The following DEPTOR variants were observed in gnomAD, a reference collection of about 807,000 sequenced individuals.
DEPTOR encodes DEP domain-containing mTOR-interacting protein.
DEPTOR carries 41 observed loss-of-function variants against 41.6 expected under a neutral mutation model. The ratio of observed to expected loss-of-function variants is 0.98; its 90% CI spans 0.77 to 1.28. DEPTOR has a LOEUF of 1.28. Ranked by LOEUF, DEPTOR falls within the 50% of genes most tolerant of loss-of-function variation. DEPTOR has a pLI of 0.00. For missense variants in DEPTOR, 514 were observed against 527.9 expected, an observed-to-expected ratio of 0.97 and a Z score of 0.26; for synonymous variants, 195 against 192.3, an observed-to-expected ratio of 1.01 and a Z score of -0.12.
chr8:119,887,683 A>G (rs954511307), intron 1 of DEPTOR, among the ~76,000 whole-genome samples: 1 of 151,312 alleles, frequency 6.6e-6, no homozygotes, highest in Non-Finnish European at 1.5e-5. Context: ...CATTTTTAGT[A>G]GAGATGGGGT....
intron 1 of DEPTOR, among the ~76,000 whole-genome samples, chr8:119,889,662 A>AGGGGAGGATGGGGAGGGGG (rs1827425439): frequency 1.5e-4 from 2 of 13,522 alleles, no homozygotes; most frequent in Non-Finnish European, 2.8e-4. Flanking sequence ...TGGGGAGGGG[A>AGGGGAGGATGGGGAGGGGG]GGGGAGGGGA....
chr8:119,950,598 T>C (rs554192580), intron 3 of DEPTOR, among the ~76,000 whole-genome samples: 1 of 151,938 alleles, frequency 6.6e-6, no homozygotes, highest in South Asian at 2.1e-4. Context: ...TCTTTTCTTC[T>C]TTTTCTTTTC....
intron 8 of DEPTOR, among the ~76,000 whole-genome samples, chr8:120,042,232 T>C (rs550716222): frequency 3.3e-5 from 5 of 152,308 alleles, no homozygotes; most frequent in African/African-American, 1.2e-4. Flanking sequence ...TCACGCGTTC[T>C]GTGTGTTTGT....
At chr8:120,004,580 C>T (rs917422994) in intron 6 of DEPTOR, among the ~76,000 whole-genome samples, 4 of 152,130 alleles carry the variant, frequency 2.6e-5, no homozygotes, top group African/African-American at 9.7e-5. Flanking sequence ...GTGTTAATTA[C>T]TGAAATTAGC....
rs150144117 is a variant in DEPTOR, at chr8:119,948,633, C to T, written c.426-16599C>T. On this transcript the variant is annotated intron_variant, in intron 3 of 8. Coordinates refer to ENST00000286234, the MANE Select transcript of DEPTOR (RefSeq NM_022783.4). ...TAATCACAGATGTATGCAACCATTACGACAGTCAATTTCAGAGCATTTTCA... is the reference window on the plus strand; with the variant it reads ...TAATCACAGATGTATGCAACCATTATGACAGTCAATTTCAGAGCATTTTCA... Among the ~76,000 whole-genome samples, 978 of 152,038 alleles carry T rather than the reference C, an allele frequency of 6.4e-3. 11 individuals carry two copies. Among genetic ancestry groups the T allele is most frequent in the African/African-American group, 0.023 (940 of 41,488 alleles).
intron 4 of DEPTOR, among the ~76,000 whole-genome samples, chr8:119,976,045 A>G (rs1411730445): frequency 6.6e-6 from 1 of 151,728 alleles, no homozygotes; most frequent in African/African-American, 2.4e-5. Context: ...TATTTTTAAT[A>G]GAGACGGGGT....
intron 8 of DEPTOR, among the ~76,000 whole-genome samples, chr8:120,043,549 T>A (rs1228510971): frequency 6.6e-6 from 1 of 152,198 alleles, no homozygotes; most frequent in Non-Finnish European, 1.5e-5. Flanking sequence ...ACGTTTGTCA[T>A]CCACTATTCT....
At chr8:119,958,919 A>C (rs1204502267) in intron 3 of DEPTOR, among the ~76,000 whole-genome samples, 6 of 152,196 alleles carry the variant, frequency 3.9e-5, no homozygotes, top group Admixed American at 3.9e-4. Flanking sequence ...ATGAAGTCAC[A>C]CTGGAAGACA....
chr8:120,049,537 C>A (rs200220093), intron 8 of DEPTOR, 39 bp from the exon 9 acceptor site: 6 of 1,603,258 alleles, frequency 3.7e-6, no homozygotes, highest in East Asian at 2.2e-5. Flanking sequence ...CAAAACCAGG[C>A]GCTATAATAG....
chr8:120,025,106 A>G (rs1224184461), intron 8 of DEPTOR, among the ~76,000 whole-genome samples: 3 of 152,212 alleles, frequency 2.0e-5, no homozygotes. Flanking sequence ...GACAGATATT[A>G]ATGACATGCA....
At chr8:120,036,522 C>T (rs1361047327) in intron 8 of DEPTOR, among the ~76,000 whole-genome samples, 3 of 152,184 alleles carry the variant, frequency 2.0e-5, no homozygotes, top group Admixed American at 1.3e-4. Context: ...TGGGGCTGAA[C>T]ATACAGCTGC....
At position 119,884,905 on chromosome 8, in the gene DEPTOR, A is replaced by G. The variant is rs567476381; in HGVS notation, c.122+10937A>G. Among the ~76,000 whole-genome samples the G allele has an allele frequency of 2.0e-5, 3 of 152,088 alleles. No individual in the cohort carries two copies. The South Asian group carries it at 6.3e-4, about 32-fold the overall frequency. ...ATTCTTGTGCCTCAGCTTCCTGAGT[A>G]GCTGGGACTACAGGCATGAACCACC... On this transcript the variant is annotated intron_variant, in intron 1 of 8. Coordinates refer to ENST00000286234, the MANE Select transcript of DEPTOR (RefSeq NM_022783.4).
chr8:120,028,606 G>A (rs1170374191), intron 8 of DEPTOR, among the ~76,000 whole-genome samples: 6 of 151,346 alleles, frequency 4.0e-5, no homozygotes, highest in East Asian at 2.0e-4. Flanking sequence ...GATTACAGGC[G>A]CCTGCCACCA....
chr8:119,937,817 G>C (rs1360472306), intron 3 of DEPTOR, among the ~76,000 whole-genome samples: 1 of 152,116 alleles, frequency 6.6e-6, no homozygotes, highest in Non-Finnish European at 1.5e-5. Context: ...CACAGTGAGG[G>C]GCAAGTGATA....
rs555361432 is a variant in DEPTOR at position 119,988,365 on chromosome 8, G to C, written c.605-13160G>C. Among the ~76,000 whole-genome samples, 2 of 152,290 alleles carry C rather than the reference G, an allele frequency of 1.3e-5. 1 individual carries two copies. Among genetic ancestry groups the C allele is most frequent in the South Asian group, 4.1e-4 (2 of 4,828 alleles). On this transcript the variant is annotated intron_variant, in intron 4 of 8. Transcript: ENST00000286234. Reference sequence around the variant, plus strand: ...CCCACTATCTAACCAGTCCCAATGAGATGAACCGGGTACCTCAGTTGGAAA... The same window carrying C: ...CCCACTATCTAACCAGTCCCAATGACATGAACCGGGTACCTCAGTTGGAAA...
chr8:119,978,172 A>G (rs141163359), intron 4 of DEPTOR, among the ~76,000 whole-genome samples: 2 of 152,128 alleles, frequency 1.3e-5, no homozygotes, highest in African/African-American at 4.8e-5. Flanking sequence ...CCCAAGCATG[A>G]TCTTTTACAA....
At chr8:120,011,907 A>C (rs544031547) in intron 8 of DEPTOR, among the ~76,000 whole-genome samples, 14 of 152,194 alleles carry the variant, frequency 9.2e-5, no homozygotes, top group Non-Finnish European at 2.1e-4. Context: ...TCATTAGAGC[A>C]GCCTTTCCAT....
At chr8:119,970,720 A>G (rs962557846) in intron 4 of DEPTOR, among the ~76,000 whole-genome samples, 1 of 152,158 alleles carries the variant, frequency 6.6e-6, no homozygotes, top group Non-Finnish European at 1.5e-5. Context: ...GTTCGTGGCT[A>G]AGATTTATTA....
At chr8:119,989,232 C>G (rs1216475377) in intron 4 of DEPTOR, among the ~76,000 whole-genome samples, 1 of 152,076 alleles carries the variant, frequency 6.6e-6, no homozygotes, top group Non-Finnish European at 1.5e-5. Context: ...AACTCATGGG[C>G]TCAAGTGACC....
Sources: gnomAD v4.1 joint callset for allele counts (sites outside exome capture counted in the v4.1 genomes callset) on GRCh38, gnomAD v4.1.1 for gene constraint, MANE v1.5 for transcripts, NCBI Gene and HGNC (gene_info 2026-07-23, HGNC 2026-07-21) for gene names.